The following TSPAN12 variants were observed in gnomAD, a reference collection of about 807,000 sequenced individuals.
TSPAN12 encodes the protein tetraspanin-12.
TSPAN12 carries 19 observed loss-of-function variants against 39.2 expected under a neutral mutation model. That is an observed-to-expected ratio of 0.49 (90% CI 0.34 to 0.71). The LOEUF (loss-of-function observed/expected upper bound fraction) is 0.71, where lower values mean the gene tolerates loss of function less well. TSPAN12 is among the 30% of genes least tolerant of loss of function. The probability of loss-of-function intolerance (pLI) is 0.01; values close to 1 mark genes in which losing one functional copy is unlikely to be tolerated. For synonymous variants in TSPAN12, 119 were observed against 124.8 expected, an observed-to-expected ratio of 0.95 and a Z score of 0.31; for missense variants, 314 against 359.9, an observed-to-expected ratio of 0.87 and a Z score of 1.03.
At position 120,815,149 on chromosome 7, in the gene TSPAN12, T is replaced by A. The variant is rs142265567; in HGVS notation, c.360+580A>T. Reference sequence around the variant, plus strand: ...TGGAATTAAAGACATATACAGAGTATACCAAATAAAATTTTACAAATTATG... The same window carrying A: ...TGGAATTAAAGACATATACAGAGTAAACCAAATAAAATTTTACAAATTATG... On this transcript the variant is annotated intron_variant, in intron 5 of 7. Transcript: ENST00000222747. Among the ~76,000 whole-genome samples the A allele has an allele frequency of 2.0e-5, 3 of 152,292 alleles. No individual in the cohort carries two copies. The East Asian group carries it at 5.8e-4, about 29-fold the overall frequency.
chr7:120,801,384 T>C (rs1793767858), intron 7 of TSPAN12, among the ~76,000 whole-genome samples: 1 of 152,194 alleles, frequency 6.6e-6, no homozygotes, highest in African/African-American at 2.4e-5. Context: ...TAAATGGGTT[T>C]GTCAAAGTGG....
chr7:120,837,317 T>TA (rs1554403439), intron 4 of TSPAN12, among the ~76,000 whole-genome samples: 2 of 146,438 alleles, frequency 1.4e-5, no homozygotes, highest in Non-Finnish European at 3.0e-5. Flanking sequence ...ATTTATTTAT[T>TA]TTTTTTTTTT....
chr7:120,801,119 A>ATT (rs554806873), intron 7 of TSPAN12, among the ~76,000 whole-genome samples: 1 of 150,020 alleles, frequency 6.7e-6, no homozygotes, highest in South Asian at 2.1e-4. Flanking sequence ...TCATTAAATG[A>ATT]TTTTTTTTTT....
chr7:120,802,982 G>GA (rs1018584493), intron 7 of TSPAN12, among the ~76,000 whole-genome samples: 2 of 152,114 alleles, frequency 1.3e-5, no homozygotes, highest in Non-Finnish European at 2.9e-5. Flanking sequence ...ATGATTGCAG[G>GA]AAAAAAGCCA....
At chr7:120,834,197 T>C (rs893235293) in intron 4 of TSPAN12, among the ~76,000 whole-genome samples, 1 of 152,220 alleles carries the variant, frequency 6.6e-6, no homozygotes, top group Non-Finnish European at 1.5e-5. Flanking sequence ...TTTCAATGAA[T>C]AATGTTTTAG....
intron 7 of TSPAN12, among the ~76,000 whole-genome samples, chr7:120,792,222 A>G (rs1408524355): frequency 1.3e-5 from 2 of 152,282 alleles, no homozygotes; most frequent in African/African-American, 4.8e-5. Context: ...ATGGGGTTGC[A>G]GCTCCTTCAA....
chr7:120,805,539 A>G (rs888197249), intron 7 of TSPAN12, among the ~76,000 whole-genome samples: 7 of 152,142 alleles, frequency 4.6e-5, no homozygotes, highest in Non-Finnish European at 7.4e-5. Context: ...TAGTGTGAGC[A>G]GTGCCTTGTG....
At chr7:120,793,804 C>T (rs555286551) in intron 7 of TSPAN12, among the ~76,000 whole-genome samples, 2 of 152,260 alleles carry the variant, frequency 1.3e-5, no homozygotes, top group South Asian at 4.1e-4. Flanking sequence ...TATTTAATGA[C>T]ATGTATTGGA....
chr7:120,799,610 A>T (rs1793715533), intron 7 of TSPAN12, among the ~76,000 whole-genome samples: 3 of 116,434 alleles, frequency 2.6e-5, no homozygotes, highest in East Asian at 4.4e-4. Flanking sequence ...ATATAATTAT[A>T]TATATAATTA....
chr7:120,796,819 G>C (rs1036780001), intron 7 of TSPAN12, among the ~76,000 whole-genome samples: 2 of 151,960 alleles, frequency 1.3e-5, no homozygotes, highest in Non-Finnish European at 2.9e-5. Context: ...CACCCACCCA[G>C]TCTGTCCTCC....
chr7:120,843,686 G>A (rs1441423647), intron 2 of TSPAN12, among the ~76,000 whole-genome samples: 13 of 152,234 alleles, frequency 8.5e-5, no homozygotes, highest in Admixed American at 7.9e-4. Context: ...CATGTCTTGG[G>A]ATTTACGAAT....
intron 4 of TSPAN12, among the ~76,000 whole-genome samples, chr7:120,817,149 G>A (rs1794099936): frequency 6.6e-6 from 1 of 152,042 alleles, no homozygotes; most frequent in African/African-American, 2.4e-5. Context: ...GGAGGTGGGA[G>A]GGTCACTTGA....
In TSPAN12 at chr7:120,798,716, G is replaced by A. The variant is rs957094928; in HGVS notation, c.612+7833C>T. On this transcript the variant is annotated intron_variant, in intron 7 of 7. Transcript: ENST00000222747. ...TCTTCAGAATCCAATCCCTGCCTTC[G>A]GTATCCCTGTAAATGTGGCCCTTCT... Among the ~76,000 whole-genome samples, 10 of 152,088 alleles carry A rather than the reference G, an allele frequency of 6.6e-5. No homozygotes were observed. The East Asian group carries it at 1.5e-3, about 23-fold the overall frequency.
intron 6 of TSPAN12, among the ~76,000 whole-genome samples, chr7:120,807,867 T>C (rs1793905762): frequency 6.6e-6 from 1 of 152,090 alleles, no homozygotes; most frequent in African/African-American, 2.4e-5. Context: ...ACTTAAAAAA[T>C]ACTTTATATA....
intron 4 of TSPAN12, among the ~76,000 whole-genome samples, chr7:120,827,970 T>TTAG (rs1396465593): frequency 6.6e-6 from 1 of 152,146 alleles, no homozygotes; most frequent in Non-Finnish European, 1.5e-5. Context: ...GATGCCTAAT[T>TTAG]TAGCTTAGTC....
At chr7:120,835,633 T>G (rs540634510) in intron 4 of TSPAN12, among the ~76,000 whole-genome samples, 1 of 152,254 alleles carries the variant, frequency 6.6e-6, no homozygotes, top group Admixed American at 6.5e-5. Flanking sequence ...AATTTTATAC[T>G]CAGCAGAGAG....
chr7:120,801,623 T>C (rs1793772694), intron 7 of TSPAN12, among the ~76,000 whole-genome samples: 1 of 152,216 alleles, frequency 6.6e-6, no homozygotes, highest in South Asian at 2.1e-4. Flanking sequence ...AGGTATATTT[T>C]AGTTGACGTT....
At chr7:120,827,011 T>C (rs1030747394) in intron 4 of TSPAN12, among the ~76,000 whole-genome samples, 1 of 152,120 alleles carries the variant, frequency 6.6e-6, no homozygotes, top group East Asian at 1.9e-4. Flanking sequence ...GCGTGAGCCA[T>C]TACACCCCAC....
chr7:120,839,638 G>GA (rs545910689), intron 3 of TSPAN12, among the ~76,000 whole-genome samples: 162 of 151,040 alleles, frequency 1.1e-3, no homozygotes, highest in Non-Finnish European at 1.8e-3. Context: ...TGAAATTTGA[G>GA]AAAAAAAAAT....
Sources: allele counts gnomAD v4.1 joint callset (sites outside exome capture counted in the v4.1 genomes callset), GRCh38; gene constraint gnomAD v4.1.1; transcripts MANE v1.5; gene names NCBI Gene and HGNC (gene_info 2026-07-23, HGNC 2026-07-21).